Variants in LYSMD4 observed in about 807,000 individuals in gnomAD.
The protein encoded by LYSMD4 is LysM domain containing 4, also known as lysM and putative peptidoglycan-binding domain-containing protein 4.
Under a neutral mutation model 6.1 loss-of-function variants are expected in LYSMD4, and 9 were observed. That is an observed-to-expected ratio of 1.47 (90% CI 0.88 to 2.56). The LOEUF (loss-of-function observed/expected upper bound fraction) is 2.56. Ranked by LOEUF, LYSMD4 falls within the 30% of genes most tolerant of loss-of-function variation. LYSMD4 has a pLI of 0.00. For missense variants in LYSMD4, 384 were observed against 373.5 expected (o/e 1.03, Z -0.23); for synonymous variants, 143 against 148.5 (o/e 0.96, Z 0.27).
upstream of LYSMD4, chr15:99,720,942 T>G (rs2059232993): frequency 6.6e-6 from 1 of 152,210 alleles, no homozygotes; most frequent in Admixed American, 6.5e-5. Flanking sequence ...GCAGCATCAA[T>G]TTCTCCCTCT....
chr15:99,723,728 T>C (rs942756595), downstream of LYSMD4, among the ~76,000 whole-genome samples: 1 of 152,222 alleles, frequency 6.6e-6, no homozygotes, highest in Admixed American at 6.5e-5. Flanking sequence ...CTCCATGCTG[T>C]CATGCATCGC....
chr15:99,721,709 CT>C (rs1292998574), upstream of LYSMD4, among the ~76,000 whole-genome samples: 1 of 152,222 alleles, frequency 6.6e-6, no homozygotes, highest in African/African-American at 2.4e-5. Flanking sequence ...TGCCCCTCCC[CT>C]GACCCTGGCC....
At chr15:99,725,750 G>A (rs1167889624), downstream of LYSMD4, among the ~76,000 whole-genome samples, 1 of 152,092 alleles carries the variant, frequency 6.6e-6, no homozygotes, top group Non-Finnish European at 1.5e-5. Flanking sequence ...GTCCTGCCTT[G>A]GGAGACCTTA....
exon 1 of LYSMD4, chr15:99,716,856 G>T (rs568355714): frequency 5.6e-6 from 2 of 356,486 alleles, no homozygotes; most frequent in African/African-American, 2.1e-5. Flanking sequence ...GAGGGGGTGG[G>T]TATGTTAGCT....
chr15:99,720,182 A>G (rs1190610244), upstream of LYSMD4, among the ~76,000 whole-genome samples: 1 of 152,240 alleles, frequency 6.6e-6, no homozygotes, highest in African/African-American at 2.4e-5. Context: ...TTTGAGTTAC[A>G]TTTGGAAATA....
At chr15:99,716,886 CTT>C (rs1403523668) in exon 1 of LYSMD4, 1 of 350,104 alleles carries the variant, frequency 2.9e-6, no homozygotes, top group Non-Finnish European at 5.7e-6. Flanking sequence ...TTCTGGGTCT[CTT>C]TAAAGTCTAG....
rs2059337257 is a variant in LYSMD4, at chr15:99,729,147, A to T, written c.867T>A (p.Ser289Arg). The change falls in exon 3 of 3, where the codon AGT becomes AGA. Residue 289 changes from serine to arginine, a missense_variant. Physicochemically the swap from Ser to Arg is moderately radical, Grantham distance 110. Coordinates refer to ENST00000684762, the MANE Select transcript of LYSMD4 (RefSeq NM_001284417.2). ...CTTAGCTCCCCGCTTGGGTGGTCTG[A>T]CTGAACTGGCTGTCTGCAGAAGTGA... Reference protein sequence around the residue: ...PAVTSADSQFSQTTQAGS With the variant: ...PAVTSADSQFRQTTQAGS 1 of 1,613,830 alleles carries T rather than the reference A, an allele frequency of 6.2e-7. No homozygotes were observed. The highest frequency in any genetic ancestry group is 1.3e-5 in the African/African-American group (1 of 75,054).
rs950239798 is a variant in LYSMD4 at position 99,731,977 on chromosome 15, G to A, written c.23C>T (p.Thr8Ile). 5.7e-6 allele frequency: 9 copies of A among 1,587,802 alleles called. No homozygotes were observed. Among genetic ancestry groups the A allele is most frequent in the Non-Finnish European group, 7.7e-6 (9 of 1,164,534 alleles). Reference sequence around the variant, plus strand: ...AACAGCTGGGCCTTGGAAGGTCTTGGTTAACAATTCCTCGTGCCTCATTTT... The same window carrying A: ...AACAGCTGGGCCTTGGAAGGTCTTGATTAACAATTCCTCGTGCCTCATTTT... The part of the protein sequence containing the change: MRHEELL[T>I]KTFQGPAVVC... The change falls in exon 2 of 3, where the codon ACC (threonine) becomes ATC (isoleucine). Residue 8 changes from threonine (T) to isoleucine (I), a missense_variant. Thr to Ile is a moderately conservative substitution (Grantham distance 89). Transcript: ENST00000684762.
chr15:99,720,110 C>A (rs1597376297), upstream of LYSMD4, among the ~76,000 whole-genome samples: 3 of 152,168 alleles, frequency 2.0e-5, no homozygotes, highest in Admixed American at 1.3e-4. Flanking sequence ...TTTTGTGGTA[C>A]TTTAGTCACG....
At chr15:99,715,851 G>A (rs1186409159) in exon 1 of LYSMD4, 2 of 152,242 alleles carry the variant, frequency 1.3e-5, no homozygotes, top group African/African-American at 2.4e-5. Context: ...GTACACAGGT[G>A]GTCCCAATCA....
exon 1 of LYSMD4, chr15:99,715,915 G>C (rs1042201345): frequency 6.6e-6 from 1 of 152,160 alleles, no homozygotes; most frequent in African/African-American, 2.4e-5. Flanking sequence ...CTAAATCAGG[G>C]GTTTGTTCTA....
At position 99,727,819 on chromosome 15, in the gene LYSMD4, A is replaced by C. The variant is rs902338049; in HGVS notation, c.*1304T>G. ...AGTCAAAGGCCATCACTGTCCCTCC[A>C]CCGAGCATCTGGGCAGTGTCTGCCT... On this transcript the variant is annotated 3_prime_UTR_variant, in exon 3 of 3. Transcript: ENST00000684762. 6.6e-6 allele frequency: 1 copy of C among 152,182 alleles called. No individual in the cohort carries two copies. Among genetic ancestry groups the C allele is most frequent in the African/African-American group, 2.4e-5 (1 of 41,420 alleles). 9.4% of individuals were successfully genotyped at this position (152,182 alleles called of 1,614,324 possible).
At chr15:99,719,602 T>TCCATGGTGTGGATGTA (rs2059222975), upstream of LYSMD4, among the ~76,000 whole-genome samples, 1 of 152,182 alleles carries the variant, frequency 6.6e-6, no homozygotes, top group Non-Finnish European at 1.5e-5. Context: ...GACGTTTTCA[T>TCCATGGTGTGGATGTA]CCATGGTGTG....
upstream of LYSMD4, among the ~76,000 whole-genome samples, chr15:99,720,045 G>A (rs1642130329): frequency 6.6e-6 from 1 of 151,738 alleles, no homozygotes; most frequent in African/African-American, 2.4e-5. Context: ...AACTTGTAAG[G>A]GTTACTTTTA....
rs773331910 is a variant in LYSMD4 at position 99,731,896 on chromosome 15, G to T, written c.104C>A (p.Ser35Ter). ...AGACTCTTCTTCAGAAGAGTCCCCC[G>T]AGTCCCCACTGCCATTCTTAAACAT... ...VYMFKNGSGD[S>*]GDSSEEESHR... The change falls in exon 2 of 3, where the codon TCG becomes TAG. Residue 35 changes from serine to a stop codon, truncating the protein, a stop_gained. Transcript: ENST00000684762. LOFTEE classifies it high-confidence loss of function. 6.2e-7 allele frequency: 1 copy of T among 1,613,410 alleles called. No individual in the cohort carries two copies. The highest frequency in any genetic ancestry group is 1.7e-5 in the Admixed American group (1 of 60,004).
chr15:99,732,640 T>C (rs902247771), intron 1 of LYSMD4, among the ~76,000 whole-genome samples: 6 of 152,226 alleles, frequency 3.9e-5, no homozygotes, highest in Non-Finnish European at 7.3e-5. Context: ...GGTTTTTATT[T>C]TCCCCTTGAG....
rs72760587 is a variant in LYSMD4, at chr15:99,729,430, G to C, written c.584C>G (p.Thr195Ser). ...IFLHESYCMD[T>S]SHQPLLPAPP... is the part of the protein sequence containing the mutation. The stretch of plus-strand genomic sequence containing the variant: ...TGCCGGGAGCAGTGGCTGATGGGAG[G>C]TGTCCATGCAGTAACTTTCATGTAG... Residue 195 changes from threonine to serine, a missense_variant, in exon 3 of 3, where the codon ACC becomes AGC. Physicochemically the swap from Thr to Ser is moderately conservative, Grantham distance 58 (BLOSUM62 1). Coordinates refer to ENST00000684762, the MANE Select transcript of LYSMD4 (RefSeq NM_001284417.2). 175,815 of 1,614,086 alleles carry C rather than the reference G, an allele frequency of 0.11. 10,012 individuals are homozygous for C. The highest frequency in any genetic ancestry group is 0.17 in the Admixed American group (10,110 of 60,024).
chr15:99,728,847 A>C lies in LYSMD4; in HGVS notation c.*276T>G. ...ACTTGGGGGTCCTCACAGTGCTGCT[A>C]TGAACTGGCCAGTCCACTAAATGTC... On this transcript the variant is annotated 3_prime_UTR_variant, in exon 3 of 3. Coordinates refer to ENST00000684762, the MANE Select transcript of LYSMD4 (RefSeq NM_001284417.2). 2 of 467,252 alleles carry C rather than the reference A, an allele frequency of 4.3e-6. No individual in the cohort carries two copies. The highest frequency in any genetic ancestry group is 7.9e-6 in the Non-Finnish European group (2 of 254,344). 28.9% of individuals were successfully genotyped at this position (467,252 alleles called of 1,614,324 possible).
intron 1 of LYSMD4, 86 bp downstream of exon 1, chr15:99,733,259 C>T (rs1485456575): frequency 1.6e-5 from 6 of 383,404 alleles, no homozygotes; most frequent in East Asian, 1.1e-4. Flanking sequence ...GCCCGCGAAC[C>T]CTCGAGCGAG....
Sources: allele counts gnomAD v4.1 joint callset (sites outside exome capture counted in the v4.1 genomes callset), GRCh38; gene constraint gnomAD v4.1.1; transcripts MANE v1.5; gene names NCBI Gene and HGNC (gene_info 2026-07-23, HGNC 2026-07-21).